Variants in SLC22A23 observed in about 807,000 individuals in gnomAD.
The protein encoded by SLC22A23 is solute carrier family 22 member 23, also known as ion transporter protein.
Under a neutral mutation model 61.0 loss-of-function variants are expected in SLC22A23, and 26 were observed. The observed-to-expected ratio is 0.43, with a 90% CI of 0.31 to 0.59. The LOEUF is 0.59. Among genes scored for constraint, SLC22A23 ranks in the 20% least tolerant of loss-of-function variants. The probability of loss-of-function intolerance (pLI) is 0.11; values close to 1 mark genes in which losing one functional copy is unlikely to be tolerated. For synonymous variants in SLC22A23, 430 were observed against 413.9 expected, an observed-to-expected ratio of 1.04 and a Z score of -0.47; for missense variants, 796 against 934.7, an observed-to-expected ratio of 0.85 and a Z score of 1.94.
chr6:3,433,816 T>C (rs1370372286), intron 1 of SLC22A23, among the ~76,000 whole-genome samples: 5 of 152,086 alleles, frequency 3.3e-5, no homozygotes, highest in South Asian at 4.1e-4. Flanking sequence ...CATATAACCT[T>C]CCAGAATAGG....
At chr6:3,412,763 A>T (rs2127517815) in intron 2 of SLC22A23, among the ~76,000 whole-genome samples, 1 of 152,294 alleles carries the variant, frequency 6.6e-6, no homozygotes, top group Non-Finnish European at 1.5e-5. Context: ...TGACAAGGAA[A>T]ACCTCCCCTG....
intron 3 of SLC22A23, among the ~76,000 whole-genome samples, chr6:3,395,977 G>A (rs1363838096): frequency 2.0e-5 from 3 of 152,204 alleles, no homozygotes; most frequent in Non-Finnish European, 4.4e-5. Flanking sequence ...TTCCTTACAA[G>A]ATGATTGTAC....
At chr6:3,369,886 C>A (rs910957462) in intron 3 of SLC22A23, among the ~76,000 whole-genome samples, 1 of 152,212 alleles carries the variant, frequency 6.6e-6, no homozygotes, top group Admixed American at 6.5e-5. Flanking sequence ...ACTATTTTTT[C>A]TTGTGAAAAT....
intron 4 of SLC22A23, among the ~76,000 whole-genome samples, chr6:3,315,571 A>G (rs1762589594): frequency 6.6e-6 from 1 of 152,170 alleles, no homozygotes. Flanking sequence ...TCATGTAAGA[A>G]AAGTGTGTGT....
At chr6:3,337,446 CT>C (rs112272605) in intron 3 of SLC22A23, among the ~76,000 whole-genome samples, 19,485 of 143,390 alleles carry the variant, frequency 0.14, 2,063 homozygotes, top group African/African-American at 0.31. Context: ...TTACAATTCC[CT>C]TTTTTTTTTT....
At chr6:3,350,156 G>A (rs1392252306) in intron 3 of SLC22A23, among the ~76,000 whole-genome samples, 1 of 152,180 alleles carries the variant, frequency 6.6e-6, no homozygotes, top group African/African-American at 2.4e-5. Context: ...TATTGTGTGT[G>A]ATGCACTTAA....
At chr6:3,447,350 G>T (rs1399383109) in intron 1 of SLC22A23, among the ~76,000 whole-genome samples, 1 of 152,110 alleles carries the variant, frequency 6.6e-6, no homozygotes, top group Non-Finnish European at 1.5e-5. Flanking sequence ...TCAGGGTTTT[G>T]TTGTTGTTGT....
In SLC22A23 at chr6:3,333,238, A is replaced by G. The variant is rs1763675851; in HGVS notation, c.914-9236T>C. Among the ~76,000 whole-genome samples, 1 of 152,220 alleles carries G rather than the reference A, an allele frequency of 6.6e-6. No individual in the cohort carries two copies. Among genetic ancestry groups the G allele is most frequent in the East Asian group, 1.9e-4 (1 of 5,190 alleles). ...TTTCACCTTGAATTACTTTGGAAGG[A>G]AGAACTTGTATTCAGCAACAAGGGC... On this transcript the variant is annotated intron_variant, in intron 3 of 9. Coordinates refer to ENST00000406686, the MANE Select transcript of SLC22A23 (RefSeq NM_015482.2). This position sits in a 1 kb window ranked among gnomAD's most constrained non-coding sequence, Gnocchi z 4.1.
intron 3 of SLC22A23, among the ~76,000 whole-genome samples, chr6:3,393,977 G>A (rs891849144): frequency 2.0e-5 from 3 of 152,132 alleles, no homozygotes; most frequent in African/African-American, 4.8e-5. Flanking sequence ...CGCTTCTACC[G>A]TCACAAGGTG....
chr6:3,335,276 G>A (rs1011968772), intron 3 of SLC22A23, among the ~76,000 whole-genome samples: 7 of 152,252 alleles, frequency 4.6e-5, no homozygotes, highest in South Asian at 2.1e-4. Flanking sequence ...CAGCAGCGGC[G>A]GAGGCTCCGA....
intron 1 of SLC22A23, among the ~76,000 whole-genome samples, chr6:3,421,365 G>A (rs1452158776): frequency 6.6e-6 from 1 of 152,150 alleles, no homozygotes; most frequent in African/African-American, 2.4e-5. Flanking sequence ...AGGTCTCTAT[G>A]CAATGATTTT....
intron 9 of SLC22A23, among the ~76,000 whole-genome samples, chr6:3,278,346 C>T (rs1268838108): frequency 6.7e-6 from 1 of 148,662 alleles, no homozygotes; most frequent in Non-Finnish European, 1.5e-5. Context: ...AGCCACACCA[C>T]TGTGCTTCTG....
chr6:3,276,457 A>G (rs562327954), intron 9 of SLC22A23, among the ~76,000 whole-genome samples: 1 of 152,124 alleles, frequency 6.6e-6, no homozygotes, highest in African/African-American at 2.4e-5. Flanking sequence ...TGCCAAACCG[A>G]TTTTCCTAGA....
intron 8 of SLC22A23, 35 bp downstream of exon 8, chr6:3,285,044 G>T: frequency 6.2e-7 from 1 of 1,610,334 alleles, no homozygotes; most frequent in East Asian, 2.2e-5. Flanking sequence ...TGTAATATGA[G>T]ACGAGGAAGC....
intron 3 of SLC22A23, among the ~76,000 whole-genome samples, chr6:3,338,422 CG>C (rs1181690369): frequency 6.6e-6 from 1 of 152,236 alleles, no homozygotes; most frequent in African/African-American, 2.4e-5. Context: ...CTCCGCCTCC[CG>C]GGTTCAAGTG....
At chr6:3,290,970 G>A (rs994843241) in intron 5 of SLC22A23, 3 of 152,346 alleles carry the variant, frequency 2.0e-5, no homozygotes, top group Non-Finnish European at 4.4e-5. Flanking sequence ...CTAGGGAGAG[G>A]GGAGGACAAG....
At chr6:3,380,021 G>A (rs1766856859) in intron 3 of SLC22A23, among the ~76,000 whole-genome samples, 1 of 152,214 alleles carries the variant, frequency 6.6e-6, no homozygotes, top group Admixed American at 6.5e-5. Context: ...GAGATAAAGA[G>A]AGGAAATGTG....
intron 1 of SLC22A23, among the ~76,000 whole-genome samples, chr6:3,416,787 A>G (rs1186022085): frequency 6.6e-6 from 1 of 152,120 alleles, no homozygotes; most frequent in African/African-American, 2.4e-5. Flanking sequence ...TGGACGCGCA[A>G]CTCCAGGTCA....
chr6:3,362,902 C>T (rs1765571893), intron 3 of SLC22A23, among the ~76,000 whole-genome samples: 1 of 152,214 alleles, frequency 6.6e-6, no homozygotes, highest in Admixed American at 6.5e-5. Flanking sequence ...TTGCCATGAC[C>T]ACCTCTTTGT....
Sources: gnomAD v4.1 joint callset for allele counts (sites outside exome capture counted in the v4.1 genomes callset) on GRCh38, gnomAD v4.1.1 for gene constraint, Gnocchi (gnomAD v3.1) non-coding constraint, MANE v1.5 for transcripts, NCBI Gene and HGNC (gene_info 2026-07-23, HGNC 2026-07-21) for gene names.